PLCL2: variants seen among roughly 807,000 people sequenced by gnomAD.
PLCL2 encodes inactive phospholipase C-like protein 2.
PLCL2 carries 4 observed loss-of-function variants against 79.6 expected under a neutral mutation model. That is an observed-to-expected ratio of 0.05 (90% CI 0.02 to 0.11). PLCL2 has a LOEUF of 0.11. Among genes scored for constraint, PLCL2 ranks in the 10% least tolerant of loss-of-function variants. The probability of loss-of-function intolerance (pLI) is 1.00; values close to 1 mark genes in which losing one functional copy is unlikely to be tolerated. For missense variants in PLCL2, 895 were observed against 1,291.0 expected, an observed-to-expected ratio of 0.69 and a Z score of 4.70; for synonymous variants, 484 against 457.7, an observed-to-expected ratio of 1.06 and a Z score of -0.73.
In PLCL2 at chr3:16,886,377, T is replaced by C. The variant is rs757879631; in HGVS notation, c.327+1011T>C. 2.6e-5 allele frequency among the ~76,000 whole-genome samples: 4 copies of C among 152,182 alleles called. No individual in the cohort carries two copies. The highest frequency in any genetic ancestry group is 6.5e-5 in the Admixed American group (1 of 15,278). The stretch of plus-strand genomic sequence containing the variant: ...TGACAGGCTGCACCCACCCTTCCTG[T>C]GGCTGATAACTGGTGGGAGGGCAGA... On this transcript the variant is annotated intron_variant, in intron 1 of 5. Transcript: ENST00000615277. The surrounding 1 kb of genome is among the most constrained non-coding windows in gnomAD (Gnocchi z 4.2).
At chr3:16,898,039 G>T (rs2124918387) in intron 1 of PLCL2, among the ~76,000 whole-genome samples, 1 of 152,032 alleles carries the variant, frequency 6.6e-6, no homozygotes. Flanking sequence ...TAGCCAAGAA[G>T]CTTGTGCCCC....
chr3:17,005,563 G>C lies in PLCL2; in HGVS notation c.328-4111G>C, dbSNP rs116776084. On this transcript the variant is annotated intron_variant, in intron 1 of 5. Coordinates refer to ENST00000615277, the MANE Select transcript of PLCL2 (RefSeq NM_001144382.2). ...CAATATGGCTATTTATGTTTTTAAT[G>C]CTAAATATGAGTCGTATAAACATTT... Among the ~76,000 whole-genome samples the C allele has an allele frequency of 6.8e-3, 1,034 of 152,234 alleles. 11 individuals are homozygous for C. The highest frequency in any genetic ancestry group is 0.024 in the African/African-American group (1,008 of 41,524).
chr3:17,060,088 C>T (rs2064934453), intron 4 of PLCL2, among the ~76,000 whole-genome samples: 1 of 152,000 alleles, frequency 6.6e-6, no homozygotes, highest in Non-Finnish European at 1.5e-5. Flanking sequence ...TCTTGCTAAG[C>T]GCATTATTCT....
Position 16,886,663 on chromosome 3 carries a change from A to C in PLCL2, c.327+1297A>C, listed in dbSNP as rs1392164944. 6.6e-6 allele frequency among the ~76,000 whole-genome samples: 1 copy of C among 152,228 alleles called. No homozygotes were observed. Among genetic ancestry groups the C allele is most frequent in the Non-Finnish European group, 1.5e-5 (1 of 68,042 alleles). ...GAAGTGTATTAACTACCTGCAGCAC[A>C]CACGTAGAGATAAACTAAGGAAAGT... On this transcript the variant is annotated intron_variant, in intron 1 of 5. Coordinates refer to ENST00000615277, the MANE Select transcript of PLCL2 (RefSeq NM_001144382.2). The surrounding 1 kb of genome is among the most constrained non-coding windows in gnomAD (Gnocchi z 4.2).
intron 1 of PLCL2, among the ~76,000 whole-genome samples, chr3:16,923,311 G>A (rs1697167374): frequency 6.6e-6 from 1 of 152,202 alleles, no homozygotes; most frequent in East Asian, 1.9e-4. Flanking sequence ...ATCACATCAG[G>A]TGATCTAGCA....
chr3:16,906,656 A>G (rs997736300), intron 1 of PLCL2, among the ~76,000 whole-genome samples: 1 of 152,228 alleles, frequency 6.6e-6, no homozygotes, highest in East Asian at 1.9e-4. Flanking sequence ...TTTTGTGAAT[A>G]TATGTAATAC....
chr3:17,043,930 A>C (rs148423549), intron 4 of PLCL2: 201 of 152,318 alleles, frequency 1.3e-3, no homozygotes, highest in African/African-American at 4.5e-3. Context: ...TCTCCCTACA[A>C]TCTACATTTA....
At chr3:17,061,353 G>A (rs536052565) in intron 4 of PLCL2, among the ~76,000 whole-genome samples, 8 of 152,138 alleles carry the variant, frequency 5.3e-5, no homozygotes, top group Non-Finnish European at 1.0e-4. Context: ...CTGATGGGAA[G>A]CAGAAAACTT....
rs2064696350 is a variant in PLCL2, at chr3:17,039,473, G to A, written c.3019-3401G>A. Among the ~76,000 whole-genome samples, 2 of 152,224 alleles carry A rather than the reference G, an allele frequency of 1.3e-5. 1 individual carries two copies. Among genetic ancestry groups the A allele is most frequent in the South Asian group, 4.1e-4 (2 of 4,834 alleles). On this transcript the variant is annotated intron_variant, in intron 3 of 5. Transcript: ENST00000615277. ...TTTATGCAATAGTGCAAAAGTTGAA[G>A]ATTAATATATGCCTGTTAAGAACAA...
rs547984244 is a variant in PLCL2, at chr3:16,995,125, G to A, written c.328-14549G>A. Among the ~76,000 whole-genome samples, 74 of 152,364 alleles carry A rather than the reference G, an allele frequency of 4.9e-4. 1 individual carries two copies. The highest frequency in any genetic ancestry group is 4.7e-3 in the Admixed American group (72 of 15,310). Reference sequence around the variant, plus strand: ...AGAAGGAAATTCCAGCCAAGGGCTGGGCAAGGACTTAGTTCTTGGGAACTT... The same window carrying A: ...AGAAGGAAATTCCAGCCAAGGGCTGAGCAAGGACTTAGTTCTTGGGAACTT... On this transcript the variant is annotated intron_variant, in intron 1 of 5. Coordinates refer to ENST00000615277, the MANE Select transcript of PLCL2 (RefSeq NM_001144382.2).
chr3:16,935,859 T>G (rs148048989), intron 1 of PLCL2, among the ~76,000 whole-genome samples: 1 of 152,246 alleles, frequency 6.6e-6, no homozygotes, highest in Non-Finnish European at 1.5e-5. Context: ...AAATCCAGAG[T>G]GCATGAGAAA....
chr3:17,020,374 A>T (rs2064435610), intron 3 of PLCL2, among the ~76,000 whole-genome samples: 4 of 152,178 alleles, frequency 2.6e-5, no homozygotes, highest in Admixed American at 2.6e-4. Context: ...GAGAGGAAAA[A>T]GGAGAGAAGA....
intron 1 of PLCL2, among the ~76,000 whole-genome samples, chr3:16,898,565 C>T (rs992466378): frequency 6.6e-6 from 1 of 152,178 alleles, no homozygotes; most frequent in Non-Finnish European, 1.5e-5. Context: ...ACATAGCAAG[C>T]GTTCTACTGG....
chr3:16,929,535 A>G (rs1368368133), intron 1 of PLCL2, among the ~76,000 whole-genome samples: 1 of 152,176 alleles, frequency 6.6e-6, no homozygotes, highest in African/African-American at 2.4e-5. Context: ...AACTTTATTG[A>G]ACAGCAGCCA....
intron 5 of PLCL2, among the ~76,000 whole-genome samples, chr3:17,076,967 A>T (rs1294928322): frequency 2.6e-5 from 4 of 152,032 alleles, no homozygotes; most frequent in Non-Finnish European, 5.9e-5. Context: ...CATATCCTCT[A>T]CCTTCTTGAA....
At chr3:17,057,293 G>C (rs1443698094) in intron 4 of PLCL2, among the ~76,000 whole-genome samples, 1 of 152,046 alleles carries the variant, frequency 6.6e-6, no homozygotes, top group African/African-American at 2.4e-5. Flanking sequence ...AACTTATTTG[G>C]TGATAAAGCC....
At chr3:16,987,621 C>G (rs1384084185) in intron 1 of PLCL2, among the ~76,000 whole-genome samples, 1 of 151,996 alleles carries the variant, frequency 6.6e-6, no homozygotes, top group African/African-American at 2.4e-5. Context: ...AAAACTGACA[C>G]TAAATAAGAT....
At chr3:16,950,733 C>A (rs2063643489) in intron 1 of PLCL2, among the ~76,000 whole-genome samples, 1 of 152,006 alleles carries the variant, frequency 6.6e-6, no homozygotes, top group Non-Finnish European at 1.5e-5. Flanking sequence ...TGGAGTCTTA[C>A]CATGAATGTG....
intron 3 of PLCL2, among the ~76,000 whole-genome samples, chr3:17,022,372 T>G (rs1024002096): frequency 1.3e-5 from 2 of 152,182 alleles, no homozygotes; most frequent in Non-Finnish European, 2.9e-5. Context: ...TTTGCTCCTG[T>G]ATAATTTCTT....
Sources: allele counts gnomAD v4.1 joint callset (sites outside exome capture counted in the v4.1 genomes callset), GRCh38; gene constraint gnomAD v4.1.1; non-coding constraint Gnocchi (gnomAD v3.1); transcripts MANE v1.5; gene names NCBI Gene and HGNC (gene_info 2026-07-23, HGNC 2026-07-21).